Variants in NSRP1 observed in about 807,000 individuals in gnomAD.
The protein encoded by NSRP1 is nuclear speckle splicing regulatory protein 1.
NSRP1 carries 24 observed loss-of-function variants against 54.7 expected under a neutral mutation model. That is an observed-to-expected ratio of 0.44 (90% CI 0.32 to 0.62). The LOEUF is 0.62. Among genes scored for constraint, NSRP1 ranks in the 20% least tolerant of loss-of-function variants. The probability of loss-of-function intolerance (pLI) is 0.06; values close to 1 mark genes in which losing one functional copy is unlikely to be tolerated. For missense variants in NSRP1, 596 were observed against 651.2 expected (o/e 0.92, Z 0.92); for synonymous variants, 210 against 213.8 (o/e 0.98, Z 0.15).
At chr17:30,122,117 C>T (rs1445227501) in intron 2 of NSRP1, among the ~76,000 whole-genome samples, 4 of 151,850 alleles carry the variant, frequency 2.6e-5, no homozygotes, top group South Asian at 2.1e-4. Flanking sequence ...AAGATTGTAA[C>T]GTGTCAGTAC....
intron 3 of NSRP1, among the ~76,000 whole-genome samples, chr17:30,176,489 A>C (rs932490762): frequency 6.6e-6 from 1 of 151,996 alleles, no homozygotes; most frequent in African/African-American, 2.4e-5. Flanking sequence ...AGGTGCCTGT[A>C]ATCCTAGCTA....
chr17:30,157,845 A>C (rs1407965933), intron 2 of NSRP1, among the ~76,000 whole-genome samples: 1 of 152,176 alleles, frequency 6.6e-6, no homozygotes, highest in Non-Finnish European at 1.5e-5. Flanking sequence ...ACATTATTTC[A>C]TTATGGCCAA....
chr17:30,121,663 G>A (rs1025381382), intron 2 of NSRP1, among the ~76,000 whole-genome samples: 2 of 147,212 alleles, frequency 1.4e-5, no homozygotes, highest in Non-Finnish European at 1.5e-5. Flanking sequence ...TCCACCTCCC[G>A]GGTTCAAGCA....
chr17:30,125,436 G>A (rs991756275), intron 2 of NSRP1, among the ~76,000 whole-genome samples: 3 of 152,176 alleles, frequency 2.0e-5, no homozygotes, highest in African/African-American at 7.2e-5. Context: ...TTTTTCTCTA[G>A]TGGTCCAGCA....
intron 2 of NSRP1, among the ~76,000 whole-genome samples, chr17:30,155,133 G>A (rs1255019973): frequency 6.6e-6 from 1 of 151,782 alleles, no homozygotes; most frequent in Non-Finnish European, 1.5e-5. Context: ...TGAGTATGAA[G>A]TAAATGTATA....
Position 30,186,424 on chromosome 17 carries a change from T to A in NSRP1, c.*750T>A, listed in dbSNP as rs1905545236. On this transcript the variant is annotated 3_prime_UTR_variant, in exon 7 of 7. Transcript: ENST00000247026. ...ATGTGAATCATCTTGTCTAAATAGCTTACAGCATAGTTGGCTTAAATGAAA... is the reference window on the plus strand; with the variant it reads ...ATGTGAATCATCTTGTCTAAATAGCATACAGCATAGTTGGCTTAAATGAAA... The A allele has an allele frequency of 6.6e-6, 1 of 152,222 alleles. No homozygotes were observed. Among genetic ancestry groups the A allele is most frequent in the African/African-American group, 2.4e-5 (1 of 41,462 alleles). 9.4% of individuals were successfully genotyped at this position (152,222 alleles called of 1,614,324 possible).
intron 2 of NSRP1, among the ~76,000 whole-genome samples, chr17:30,122,960 T>A (rs919898752): frequency 2.6e-5 from 4 of 152,068 alleles, no homozygotes; most frequent in East Asian, 1.9e-4. Flanking sequence ...TTAAAAAAAA[T>A]TTAAAATTGA....
chr17:30,150,595 C>A (rs1490993147), intron 2 of NSRP1: 1 of 150,818 alleles, frequency 6.6e-6, no homozygotes, highest in Non-Finnish European at 1.5e-5. Context: ...TGGTCTCGAT[C>A]TCCTGACCTC....
intron 2 of NSRP1, among the ~76,000 whole-genome samples, chr17:30,169,755 T>G (rs899233007): frequency 3.9e-5 from 6 of 152,088 alleles, no homozygotes; most frequent in Non-Finnish European, 8.8e-5. Context: ...GCATACTTAT[T>G]TAATTTTTTA....
At chr17:30,170,772 T>G (rs920962659) in intron 2 of NSRP1, among the ~76,000 whole-genome samples, 3 of 152,248 alleles carry the variant, frequency 2.0e-5, no homozygotes, top group African/African-American at 7.2e-5. Flanking sequence ...CAGGTGGTGA[T>G]TTCATTTCCT....
intron 4 of NSRP1, among the ~76,000 whole-genome samples, chr17:30,178,763 C>T (rs1229583102): frequency 1.3e-5 from 2 of 151,800 alleles, no homozygotes; most frequent in Non-Finnish European, 2.9e-5. Context: ...TTTAAATAGT[C>T]ATATTTCTAC....
intron 2 of NSRP1, among the ~76,000 whole-genome samples, chr17:30,171,969 CACA>C (rs1904954113): frequency 7.6e-6 from 1 of 132,076 alleles, no homozygotes; most frequent in African/African-American, 2.9e-5. Flanking sequence ...CACACACACA[CACA>C]CTCCCTCTCT....
intron 2 of NSRP1, among the ~76,000 whole-genome samples, chr17:30,138,160 G>A (rs116209011): frequency 0.021 from 3,172 of 152,170 alleles, 83 homozygotes; most frequent in African/African-American, 0.069. Flanking sequence ...TGTCCTCAGG[G>A]TTCATCCATG....
intron 3 of NSRP1, among the ~76,000 whole-genome samples, chr17:30,174,510 A>G (rs572178522): frequency 6.6e-6 from 1 of 152,262 alleles, no homozygotes; most frequent in African/African-American, 2.4e-5. Context: ...TTTTTCTTCT[A>G]TGTGGACCTC....
chr17:30,176,670 G>A (rs539645303), intron 3 of NSRP1, among the ~76,000 whole-genome samples: 5 of 149,190 alleles, frequency 3.4e-5, no homozygotes, highest in Non-Finnish European at 7.4e-5. Context: ...TGTTATTGTA[G>A]TGGTGATTAT....
In NSRP1 at chr17:30,185,313, A is replaced by G. The variant is rs1351514186; in HGVS notation, c.1316A>G (p.Lys439Arg). Reference protein sequence around the residue: ...ENNDKYRDREKREVGVQSSER... With the variant: ...ENNDKYRDRERREVGVQSSER... ...AATGATAAATACAGAGATAGAGAAAAACGAGAGGTAGGTGTTCAGTCTTCA... is the reference window on the plus strand; with the variant it reads ...AATGATAAATACAGAGATAGAGAAAGACGAGAGGTAGGTGTTCAGTCTTCA... Residue 439 changes from lysine (K) to arginine (R), a missense_variant, in exon 7 of 7, where the codon AAA becomes AGA. By Grantham distance (26) the Lys-to-Arg change is conservative. Coordinates refer to ENST00000247026, the MANE Select transcript of NSRP1 (RefSeq NM_032141.4). 3.7e-6 allele frequency: 6 copies of G among 1,605,456 alleles called. No homozygotes were observed. The African/African-American group carries it at 8.1e-5, about 22-fold the overall frequency.
At chr17:30,142,438 A>G (rs1230620762) in intron 2 of NSRP1, among the ~76,000 whole-genome samples, 1 of 151,618 alleles carries the variant, frequency 6.6e-6, no homozygotes, top group Non-Finnish European at 1.5e-5. Flanking sequence ...TAATCCTCCC[A>G]TCTCAGTCTC....
Position 30,179,257 on chromosome 17 carries a change from TGAA to T in NSRP1, c.478_480del (p.Glu160del), listed in dbSNP as rs772045182. The T allele has an allele frequency of 1.9e-5, 31 of 1,595,186 alleles. No individual in the cohort carries two copies. The highest frequency in any genetic ancestry group is 6.7e-5 in the East Asian group (3 of 44,728). On this transcript the variant is annotated inframe_deletion, in exon 5 of 7. Transcript: ENST00000247026. ...ATAAGAAAAAACTGCAAGAGAGAGCTGAAGAAGAAGAAAGAGAAAAGAGGGCTG... is the reference window on the plus strand; with the variant it reads ...ATAAGAAAAAACTGCAAGAGAGAGCTGAAGAAGAAAGAGAAAAGAGGGCTG...
In NSRP1 at chr17:30,185,837, G is replaced by A; in HGVS notation, c.*163G>A. 1 of 663,192 alleles carries A rather than the reference G, an allele frequency of 1.5e-6. No individual in the cohort carries two copies. Among genetic ancestry groups the A allele is most frequent in the Non-Finnish European group, 2.4e-6 (1 of 417,630 alleles). 41.1% of individuals were successfully genotyped at this position (663,192 alleles called of 1,614,324 possible). The stretch of plus-strand genomic sequence containing the variant: ...AGTCAGTCTTACAGCTTGGATGTTT[G>A]GATGTGGATGTTTGGCTGAATTTAT... On this transcript the variant is annotated 3_prime_UTR_variant, in exon 7 of 7. Transcript: ENST00000247026.
Sources: gnomAD v4.1 joint callset for allele counts (sites outside exome capture counted in the v4.1 genomes callset) on GRCh38, gnomAD v4.1.1 for gene constraint, MANE v1.5 for transcripts, NCBI Gene and HGNC (gene_info 2026-07-23, HGNC 2026-07-21) for gene names.